The following ZNF804B variants were observed in gnomAD, a reference collection of about 807,000 sequenced individuals.
ZNF804B encodes zinc finger 804B.
In ZNF804B, 80 loss-of-function variants were observed where a neutral mutation model predicts 101.4. The ratio of observed to expected loss-of-function variants is 0.79; its 90% CI spans 0.66 to 0.95. ZNF804B has a LOEUF of 0.95. ZNF804B is among the 40% of genes least tolerant of loss of function. ZNF804B has a pLI of 0.00. For synonymous variants in ZNF804B, 622 were observed against 558.8 expected (o/e 1.11, Z -1.59); for missense variants, 1,673 against 1,561.9 (o/e 1.07, Z -1.20).
intron 2 of ZNF804B, among the ~76,000 whole-genome samples, chr7:89,246,826 A>C (rs953813847): frequency 6.6e-6 from 1 of 151,930 alleles, no homozygotes; most frequent in Non-Finnish European, 1.5e-5. Context: ...TCCAGATATT[A>C]AAAGCATATA....
intron 2 of ZNF804B, among the ~76,000 whole-genome samples, chr7:89,298,088 C>T (rs1316896820): frequency 7.1e-6 from 1 of 141,800 alleles, no homozygotes; most frequent in Non-Finnish European, 1.5e-5. Context: ...GTGAACTACA[C>T]ATATTTAGAG....
chr7:89,092,406 CTGTTTTT>C (rs1789906010), intron 1 of ZNF804B, among the ~76,000 whole-genome samples: 1 of 88,380 alleles, frequency 1.1e-5, no homozygotes, highest in Non-Finnish European at 2.1e-5. Flanking sequence ...CTTTTCTTTT[CTGTTTTT>C]TTTTTTTTTT....
intron 1 of ZNF804B, among the ~76,000 whole-genome samples, chr7:88,816,569 A>C (rs372243226): frequency 6.6e-6 from 1 of 151,536 alleles, no homozygotes; most frequent in East Asian, 2.0e-4. Context: ...ACAAGTGGGC[A>C]AAGGATATGA....
chr7:88,941,733 G>A (rs1219780256), intron 1 of ZNF804B, among the ~76,000 whole-genome samples: 1 of 151,874 alleles, frequency 6.6e-6, no homozygotes, highest in Non-Finnish European at 1.5e-5. Flanking sequence ...ACAATACCAG[G>A]AATGAACCCT....
At chr7:89,075,565 A>C (rs1299958781) in intron 1 of ZNF804B, among the ~76,000 whole-genome samples, 2 of 152,204 alleles carry the variant, frequency 1.3e-5, no homozygotes, top group East Asian at 1.9e-4. Context: ...TCCAGACAGA[A>C]GTTTGCTGCA....
chr7:89,113,467 A>G (rs535826646), intron 1 of ZNF804B, among the ~76,000 whole-genome samples: 1 of 152,330 alleles, frequency 6.6e-6, no homozygotes, highest in African/African-American at 2.4e-5. Flanking sequence ...TAACTCTTAT[A>G]AAACAAATGC....
chr7:89,002,604 G>A (rs1788306088), intron 1 of ZNF804B, among the ~76,000 whole-genome samples: 1 of 151,694 alleles, frequency 6.6e-6, no homozygotes, highest in African/African-American at 2.4e-5. Context: ...AGAAGGGGGT[G>A]GAATGTAGTC....
chr7:89,053,148 G>A (rs1217066850), intron 1 of ZNF804B, among the ~76,000 whole-genome samples: 2 of 152,046 alleles, frequency 1.3e-5, no homozygotes, highest in East Asian at 3.9e-4. Flanking sequence ...TGTAAAAGAC[G>A]TTCTGGTTGT....
chr7:89,099,011 A>G (rs1790011809), intron 1 of ZNF804B, among the ~76,000 whole-genome samples: 1 of 148,372 alleles, frequency 6.7e-6, no homozygotes, highest in African/African-American at 2.4e-5. Context: ...ACAATTATAT[A>G]CGTTTGAATA....
intron 1 of ZNF804B, among the ~76,000 whole-genome samples, chr7:89,018,529 G>C (rs1039648298): frequency 6.6e-6 from 1 of 151,972 alleles, no homozygotes; most frequent in Non-Finnish European, 1.5e-5. Flanking sequence ...AGTTTTGCTG[G>C]CCTTGCACAA....
intron 2 of ZNF804B, among the ~76,000 whole-genome samples, chr7:89,243,435 T>G (rs890126891): frequency 6.6e-6 from 1 of 151,828 alleles, no homozygotes; most frequent in Non-Finnish European, 1.5e-5. Context: ...TGCACCATTC[T>G]CAGCTGTATT....
intron 1 of ZNF804B, among the ~76,000 whole-genome samples, chr7:88,825,845 T>G (rs1320713874): frequency 4.6e-5 from 7 of 152,186 alleles, no homozygotes; most frequent in Non-Finnish European, 8.8e-5. Flanking sequence ...AAGTGCCGTG[T>G]GACTCAGTTT....
chr7:88,957,920 A>G (rs917845175), intron 1 of ZNF804B, among the ~76,000 whole-genome samples: 17 of 149,808 alleles, frequency 1.1e-4, no homozygotes, highest in African/African-American at 3.2e-4. Flanking sequence ...GTGTGTGCAT[A>G]TGTGTGTGTG....
chr7:88,812,378 A>C (rs1164041114), intron 1 of ZNF804B, among the ~76,000 whole-genome samples: 5 of 152,228 alleles, frequency 3.3e-5, no homozygotes, highest in Non-Finnish European at 7.3e-5. Context: ...TGTTGACAAG[A>C]ATGTGGAAAC....
At chr7:88,936,471 A>G (rs1422278164) in intron 1 of ZNF804B, among the ~76,000 whole-genome samples, 1 of 152,130 alleles carries the variant, frequency 6.6e-6, no homozygotes, top group East Asian at 1.9e-4. Flanking sequence ...TGAAGCTTAA[A>G]TAACCTCTTC....
intron 1 of ZNF804B, among the ~76,000 whole-genome samples, chr7:88,988,175 G>A (rs1278049271): frequency 2.0e-5 from 3 of 151,770 alleles, no homozygotes; most frequent in South Asian, 2.1e-4. Context: ...GTAGCCTAAT[G>A]AGTAAGAAAA....
chr7:88,861,175 A>G (rs1034074575), intron 1 of ZNF804B, among the ~76,000 whole-genome samples: 1 of 152,202 alleles, frequency 6.6e-6, no homozygotes, highest in African/African-American at 2.4e-5. Context: ...TGTCGTTATG[A>G]GGATCCCAGT....
At chr7:89,141,635 C>A (rs1343501517) in intron 1 of ZNF804B, among the ~76,000 whole-genome samples, 1 of 151,910 alleles carries the variant, frequency 6.6e-6, no homozygotes, top group East Asian at 1.9e-4. Context: ...GAGGAATCAC[C>A]ATATTGTCTT....
intron 1 of ZNF804B, among the ~76,000 whole-genome samples, chr7:88,818,823 C>T (rs1376750363): frequency 6.6e-6 from 1 of 152,142 alleles, no homozygotes; most frequent in Non-Finnish European, 1.5e-5. Context: ...TGTATCAACA[C>T]TAAAGTACTG....
Sources: allele counts gnomAD v4.1 joint callset (sites outside exome capture counted in the v4.1 genomes callset), GRCh38; gene constraint gnomAD v4.1.1; transcripts MANE v1.5; gene names NCBI Gene and HGNC (gene_info 2026-07-23, HGNC 2026-07-21).